HACD4: variants seen among roughly 807,000 people sequenced by gnomAD.
The protein encoded by HACD4 is very-long-chain (3R)-3-hydroxyacyl-CoA dehydratase 4.
HACD4 carries 35 observed loss-of-function variants against 33.3 expected under a neutral mutation model. That is an observed-to-expected ratio of 1.05 (90% CI 0.80 to 1.39). HACD4 has a LOEUF of 1.39. Ranked by LOEUF, HACD4 falls within the 40% of genes most tolerant of loss-of-function variation. The pLI is 0.00. For missense variants in HACD4, 323 were observed against 276.5 expected, an observed-to-expected ratio of 1.17 and a Z score of -1.19; for synonymous variants, 118 against 98.0, an observed-to-expected ratio of 1.20 and a Z score of -1.21.
rs1411238766 is a variant in HACD4, at chr9:21,004,037, A to T, written c.*3000T>A. ...GTCTTCTCTTTTGAGATAGAGTCTC[A>T]CTCTGTCACCCAGGCTGGAGTGCAG... is the stretch of plus-strand genomic sequence containing the variant. On this transcript the variant is annotated 3_prime_UTR_variant, in exon 7 of 7. Transcript: ENST00000495827. The surrounding 1 kb of genome is among the most constrained non-coding windows in gnomAD (Gnocchi z 4.6). The T allele has an allele frequency of 1.3e-5, 2 of 152,082 alleles. No individual in the cohort carries two copies. The highest frequency in any genetic ancestry group is 4.8e-5 in the African/African-American group (2 of 41,394). 9.4% of individuals were successfully genotyped at this position (152,082 alleles called of 1,614,324 possible).
Position 21,016,023 on chromosome 9 carries a change from C to T in HACD4, c.271-13G>A. On this transcript the variant is annotated splice_polypyrimidine_tract_variant and intron_variant, in intron 3 of 6. Transcript: ENST00000495827. Reference sequence around the variant, plus strand: ...TTCTTTCTGTGAGCTAACAAAGAAACAGCAAAGTCAGAAATTAGGACATCT... The same window carrying T: ...TTCTTTCTGTGAGCTAACAAAGAAATAGCAAAGTCAGAAATTAGGACATCT... 4 of 1,566,654 alleles carry T rather than the reference C, an allele frequency of 2.6e-6. No homozygotes were observed. The highest frequency in any genetic ancestry group is 1.4e-5 in the African/African-American group (1 of 73,992).
At chr9:21,023,177 T>A (rs1196342008) in intron 3 of HACD4, among the ~76,000 whole-genome samples, 4 of 128,374 alleles carry the variant, frequency 3.1e-5, no homozygotes, top group East Asian at 4.7e-4. Flanking sequence ...ATGAGAACAC[T>A]TGGACACAGG....
At position 21,008,049 on chromosome 9, in the gene HACD4, C is replaced by T. The variant is rs373935493; in HGVS notation, c.588G>A (p.Leu196=). ...FDLSIYFPYV[L]KIYLMMLFIG... is the part of the protein sequence containing the mutation. ...TAAAGAGCATCATGAGATATATTTT[C>T]AGCACATATGGGAAATAGATGGATA... The change falls in exon 6 of 7, where the codon CTG becomes CTA. Residue 196 remains leucine, a synonymous_variant. Transcript: ENST00000495827. The T allele has an allele frequency of 1.3e-5, 21 of 1,605,944 alleles. No individual in the cohort carries two copies. The highest frequency in any genetic ancestry group is 1.7e-5 in the Non-Finnish European group (20 of 1,176,470).
chr9:20,999,703 A>G lies in HACD4; in HGVS notation c.*7334T>C, dbSNP rs1396427172. On this transcript the variant is annotated 3_prime_UTR_variant, in exon 7 of 7. Coordinates refer to ENST00000495827, the MANE Select transcript of HACD4 (RefSeq NM_001010915.5). Reference sequence around the variant, plus strand: ...ATTAAGCCGATAGATTTCTTGAAATATATTTCTAGATGTAGTAGTGGCGTT... The same window carrying G: ...ATTAAGCCGATAGATTTCTTGAAATGTATTTCTAGATGTAGTAGTGGCGTT... 6 of 152,300 alleles carry G rather than the reference A, an allele frequency of 3.9e-5. No individual in the cohort carries two copies. The East Asian group carries it at 7.7e-4, about 20-fold the overall frequency. The allele number at this position is 152,300 out of a possible 1,614,324, so 9.4% of individuals were successfully genotyped here. A position where few individuals can be genotyped will look rare whatever the true frequency, so the allele number is the denominator to read the frequency against.
At chr9:21,030,820 A>T (rs1242246774) in intron 1 of HACD4, among the ~76,000 whole-genome samples, 2 of 152,220 alleles carry the variant, frequency 1.3e-5, no homozygotes, top group Non-Finnish European at 2.9e-5. Flanking sequence ...TGGGGAGATG[A>T]CTAAGAGAAG....
chr9:21,022,280 A>C (rs746126048), intron 3 of HACD4, among the ~76,000 whole-genome samples: 3 of 152,236 alleles, frequency 2.0e-5, no homozygotes, highest in Non-Finnish European at 4.4e-5. Context: ...ACCCTAGAAG[A>C]ACACCTAGGC....
At chr9:21,024,287 T>C (rs1433532842) in intron 3 of HACD4, among the ~76,000 whole-genome samples, 1 of 152,230 alleles carries the variant, frequency 6.6e-6, no homozygotes, top group Non-Finnish European at 1.5e-5. Flanking sequence ...CAACAAAAAT[T>C]GATAATATTC....
chr9:21,014,562 G>T (rs559365415), intron 4 of HACD4, among the ~76,000 whole-genome samples: 2 of 152,250 alleles, frequency 1.3e-5, no homozygotes, highest in South Asian at 4.1e-4. Flanking sequence ...AGGGAAAGAG[G>T]GAGAGGGGAG....
At chr9:21,016,862 A>G (rs1414193242) in intron 3 of HACD4, among the ~76,000 whole-genome samples, 2 of 151,826 alleles carry the variant, frequency 1.3e-5, no homozygotes, top group East Asian at 3.9e-4. Context: ...AGAATTCAAT[A>G]TATTCCAAGT....
rs778890307 is a variant in HACD4 at position 21,016,654 on chromosome 9, C to T, written c.271-644G>A. On this transcript the variant is annotated intron_variant, in intron 3 of 6. Coordinates refer to ENST00000495827, the MANE Select transcript of HACD4 (RefSeq NM_001010915.5). ...GGGAGTAATGTGAACCACTGGGGGG[C>T]TAGAGGGGAGGGTGCATAGAAGGGA... Among the ~76,000 whole-genome samples the T allele has an allele frequency of 6.0e-5, 9 of 151,046 alleles. No individual in the cohort carries two copies. The South Asian group carries it at 6.3e-4, about 11-fold the overall frequency.
intron 3 of HACD4, among the ~76,000 whole-genome samples, chr9:21,021,440 T>A (rs1308710349): frequency 6.6e-6 from 1 of 152,130 alleles, no homozygotes; most frequent in Non-Finnish European, 1.5e-5. Context: ...AGTCAAATTG[T>A]CTCTGTCTGC....
At chr9:21,018,172 G>A (rs1297768254) in intron 3 of HACD4, among the ~76,000 whole-genome samples, 1 of 152,096 alleles carries the variant, frequency 6.6e-6, no homozygotes. Flanking sequence ...GGAAATTTAG[G>A]CAGAGATGTT....
At chr9:21,029,258 A>G (rs1216918371) in intron 2 of HACD4, 37 bp downstream of exon 2, 3 of 1,191,452 alleles carry the variant, frequency 2.5e-6, no homozygotes, top group Non-Finnish European at 3.7e-6. Flanking sequence ...AACAAGGATT[A>G]AAAGTTAAAA....
intron 3 of HACD4, among the ~76,000 whole-genome samples, chr9:21,022,567 C>T (rs540180095): frequency 1.5e-4 from 23 of 152,264 alleles, no homozygotes; most frequent in South Asian, 6.2e-4. Flanking sequence ...AGGATATGAA[C>T]AGATACTTCT....
rs376919713 is a variant in HACD4 at position 21,029,359 on chromosome 9, G to C, written c.78C>G (p.Ile26Met). ...KNAYLFIYYL[I>M]QFCGHSWIFT... ...ATATCCAAGAGTGGCCACAGAACTG[G>C]ATTAAGTAATAGATGAAAAGATACG... The change falls in exon 2 of 7, where the codon ATC becomes ATG. Residue 26 changes from isoleucine to methionine, a missense_variant. Ile to Met is a conservative substitution (Grantham distance 10). Coordinates refer to ENST00000495827, the MANE Select transcript of HACD4 (RefSeq NM_001010915.5). 1.3e-5 allele frequency: 20 copies of C among 1,598,416 alleles called. No individual in the cohort carries two copies. In the African/African-American group the frequency reaches 2.6e-4, roughly 20 times the overall value.
intron 3 of HACD4, among the ~76,000 whole-genome samples, chr9:21,016,637 T>C (rs1049951144): frequency 4.0e-5 from 6 of 149,622 alleles, no homozygotes; most frequent in African/African-American, 1.5e-4. Context: ...AGGGGAGTAA[T>C]GTGAACCACT....
chr9:21,022,916 C>G lies in HACD4; in HGVS notation c.270+3680G>C, dbSNP rs1817959395. Among the ~76,000 whole-genome samples the G allele has an allele frequency of 2.0e-5, 3 of 151,904 alleles. No homozygotes were observed. The South Asian group carries it at 6.2e-4, about 32-fold the overall frequency. ...TCATGCTGCTATAAAGACACATGCA[C>G]ACGTATGTTTATTGCGGCACTATTC... is the stretch of plus-strand genomic sequence containing the variant. On this transcript the variant is annotated intron_variant, in intron 3 of 6. Transcript: ENST00000495827.
intron 3 of HACD4, among the ~76,000 whole-genome samples, chr9:21,019,221 T>A (rs528643929): frequency 6.6e-6 from 1 of 152,094 alleles, no homozygotes; most frequent in African/African-American, 2.4e-5. Flanking sequence ...CCTGCCTTCA[T>A]GATATTTATA....
At chr9:21,026,800 A>C in intron 2 of HACD4, 77 bp from the exon 3 acceptor site, 1 of 1,217,734 alleles carries the variant, frequency 8.2e-7, no homozygotes, top group Non-Finnish European at 1.2e-6. Flanking sequence ...AGCACTTTGA[A>C]GTCAAATGGA....
Sources: gnomAD v4.1 joint callset for allele counts (sites outside exome capture counted in the v4.1 genomes callset) on GRCh38, gnomAD v4.1.1 for gene constraint, Gnocchi (gnomAD v3.1) non-coding constraint, MANE v1.5 for transcripts, NCBI Gene and HGNC (gene_info 2026-07-23, HGNC 2026-07-21) for gene names.